The following NSRP1 variants were observed in gnomAD, a reference collection of about 807,000 sequenced individuals.
NSRP1 encodes the protein nuclear speckle splicing regulatory protein 1, also known as coiled-coil domain containing 55.
A neutral mutation model predicts 54.7 loss-of-function variants in NSRP1; 24 were observed. The ratio of observed to expected loss-of-function variants is 0.44; its 90% confidence interval spans 0.32 to 0.62. The LOEUF is 0.62. NSRP1 is among the 20% of genes least tolerant of loss of function. NSRP1 has a pLI of 0.06. For missense variants in NSRP1, 596 were observed against 651.2 expected (o/e 0.92, Z 0.92); for synonymous variants, 210 against 213.8 (o/e 0.98, Z 0.15).
At chr17:30,158,656 G>A (rs949764977) in intron 2 of NSRP1, among the ~76,000 whole-genome samples, 1 of 151,122 alleles carries the variant, frequency 6.6e-6, no homozygotes, top group Non-Finnish European at 1.5e-5. Context: ...AGAGACAGGG[G>A]TTTAGTTTTA....
intron 6 of NSRP1, among the ~76,000 whole-genome samples, chr17:30,181,766 C>T (rs1905308517): frequency 1.3e-5 from 2 of 151,840 alleles, no homozygotes; most frequent in Admixed American, 1.3e-4. Flanking sequence ...GCATGCACTA[C>T]GCCCGGCTAA....
rs761535184 is a variant in NSRP1 at position 30,118,104 on chromosome 17, AAC to A, written c.49_50del (p.Gln17AlafsTer15). ...RQYGLILPKK[T>X]QQLHPVLQKP... The stretch of plus-strand genomic sequence containing the variant: ...GGTATGGGCTTATTTTGCCAAAGAA[AAC>A]ACAGCAGTTGCACCCTGTTTTGCAA... On this transcript the variant is annotated frameshift_variant, in exon 2 of 7. Transcript: ENST00000247026. LOFTEE classifies it high-confidence loss of function. 2 of 1,613,982 alleles carry A rather than the reference AAC, an allele frequency of 1.2e-6. No homozygotes were observed. Among genetic ancestry groups the A allele is most frequent in the African/African-American group, 2.7e-5 (2 of 75,044 alleles).
chr17:30,122,371 ATATATATATATATATTTTTTTTTTTTT>A (rs2071608610), intron 2 of NSRP1: 1 of 26,928 alleles, frequency 3.7e-5, no homozygotes, highest in African/African-American at 7.8e-5. Context: ...ATATATATAT[ATATATATATATATATTTTTTTTTTTTT>A]TTTTTTTTTT....
In NSRP1 at chr17:30,172,612, C is replaced by T. The variant is rs748408781; in HGVS notation, c.171+14C>T. On this transcript the variant is annotated intron_variant, in intron 3 of 6. Coordinates refer to ENST00000247026, the MANE Select transcript of NSRP1 (RefSeq NM_032141.4). ...GCCATGAAACAGGTAAGGTAGAAGA[C>T]TGGGATAAGTGCATTCAGTGAAGCA... 18 of 1,604,330 alleles carry T rather than the reference C, an allele frequency of 1.1e-5. No homozygotes were observed. The South Asian group carries it at 2.0e-4, about 18-fold the overall frequency.
At chr17:30,133,323 A>G (rs2071719101) in intron 2 of NSRP1, among the ~76,000 whole-genome samples, 1 of 152,188 alleles carries the variant, frequency 6.6e-6, no homozygotes, top group Admixed American at 6.5e-5. Context: ...CAGAATGGAT[A>G]GTGTGTTGAT....
chr17:30,127,565 C>A (rs2071661607), intron 2 of NSRP1, among the ~76,000 whole-genome samples: 1 of 152,088 alleles, frequency 6.6e-6, no homozygotes, highest in African/African-American at 2.4e-5. Flanking sequence ...AGGGATGTGC[C>A]ACCACATCTG....
At chr17:30,147,765 G>A (rs986364669) in intron 2 of NSRP1, among the ~76,000 whole-genome samples, 7 of 149,874 alleles carry the variant, frequency 4.7e-5, no homozygotes, top group Non-Finnish European at 1.0e-4. Flanking sequence ...GCCCAGCCCC[G>A]GCCAGACTTT....
intron 2 of NSRP1, chr17:30,150,232 C>T (rs918882130): frequency 6.6e-6 from 1 of 151,928 alleles, no homozygotes; most frequent in African/African-American, 2.4e-5. Context: ...AGGCAGGCAC[C>T]ACCATGCCTG....
chr17:30,173,914 T>C (rs534472740), intron 3 of NSRP1, among the ~76,000 whole-genome samples: 2 of 152,206 alleles, frequency 1.3e-5, no homozygotes, highest in Non-Finnish European at 2.9e-5. Flanking sequence ...ATGTCAGAGT[T>C]TCACAGTGAA....
chr17:30,126,674 C>T (rs556930613), intron 2 of NSRP1, among the ~76,000 whole-genome samples: 30 of 152,192 alleles, frequency 2.0e-4, no homozygotes, highest in Admixed American at 1.5e-3. Context: ...CTGCAACCTC[C>T]GCTTCCCAGC....
Position 30,184,782 on chromosome 17 carries a change from A to T in NSRP1, c.785A>T (p.Glu262Val), listed in dbSNP as rs1567809239. ...AGCAGTGCGGATGATGAAATAGAAG[A>T]AACTAGAGTGAACTGCAGAAGGGAA... ...AKSSADDEIEETRVNCRREKV... is the reference protein window; with the variant it reads ...AKSSADDEIEVTRVNCRREKV... Residue 262 changes from glutamate (E) to valine (V), a missense_variant, in exon 7 of 7, where the codon GAA (glutamate) becomes GTA (valine). Physicochemically the swap from Glu to Val is moderately radical, Grantham distance 121 (BLOSUM62 -2). Coordinates refer to ENST00000247026, the MANE Select transcript of NSRP1 (RefSeq NM_032141.4). 1.2e-6 allele frequency: 2 copies of T among 1,614,056 alleles called. No individual in the cohort carries two copies. Among genetic ancestry groups the T allele is most frequent in the Admixed American group, 3.3e-5 (2 of 59,990 alleles).
chr17:30,178,407 T>G (rs1224081277), intron 4 of NSRP1, among the ~76,000 whole-genome samples: 1 of 152,206 alleles, frequency 6.6e-6, no homozygotes, highest in East Asian at 1.9e-4. Flanking sequence ...CTAACAATTT[T>G]GCTTTTTGCT....
intron 2 of NSRP1, among the ~76,000 whole-genome samples, chr17:30,157,454 A>G (rs1045178338): frequency 1.3e-5 from 2 of 152,156 alleles, no homozygotes; most frequent in African/African-American, 2.4e-5. Flanking sequence ...ATATGTTGGT[A>G]TCATTTCAAG....
At chr17:30,146,321 G>T (rs1053639722) in intron 2 of NSRP1, among the ~76,000 whole-genome samples, 1 of 152,162 alleles carries the variant, frequency 6.6e-6, no homozygotes. Flanking sequence ...TATTAGAACT[G>T]CCTTGGATTT....
chr17:30,147,834 G>A (rs1202309576), intron 2 of NSRP1, among the ~76,000 whole-genome samples: 2 of 147,754 alleles, frequency 1.4e-5, no homozygotes, highest in Admixed American at 6.8e-5. Flanking sequence ...TTTTTGAGAC[G>A]GAGTTTCGCT....
At chr17:30,178,970 G>A in intron 4 of NSRP1, 120 bp from the exon 5 acceptor site, 1 of 546,920 alleles carries the variant, frequency 1.8e-6, no homozygotes, top group Non-Finnish European at 2.9e-6. Flanking sequence ...TATATTGAAT[G>A]TAGGGAAGAC....
chr17:30,176,479 AG>A (rs921135733), intron 3 of NSRP1, among the ~76,000 whole-genome samples: 1 of 151,824 alleles, frequency 6.6e-6, no homozygotes, highest in African/African-American at 2.4e-5. Context: ...GCATGGTAGC[AG>A]GTGCCTGTAA....
At chr17:30,124,464 T>C (rs1439701844) in intron 2 of NSRP1, among the ~76,000 whole-genome samples, 1 of 152,276 alleles carries the variant, frequency 6.6e-6, no homozygotes, top group Admixed American at 6.5e-5. Flanking sequence ...AGCTTTCTCC[T>C]TCCCTCCTGC....
chr17:30,128,903 A>C (rs148527124), intron 2 of NSRP1, among the ~76,000 whole-genome samples: 165 of 151,894 alleles, frequency 1.1e-3, no homozygotes, highest in African/African-American at 3.8e-3. Context: ...TATGGCAGAC[A>C]ATGAGTGGTT....
Sources: allele counts gnomAD v4.1 joint callset (sites outside exome capture counted in the v4.1 genomes callset), GRCh38; gene constraint gnomAD v4.1.1; transcripts MANE v1.5; gene names NCBI Gene and HGNC (gene_info 2026-07-23, HGNC 2026-07-21).